The following GLP1R variants were observed in gnomAD, a reference collection of about 807,000 sequenced individuals.
GLP1R encodes glucagon like peptide 1 receptor.
Under a neutral mutation model 68.4 loss-of-function variants are expected in GLP1R, and 32 were observed. That is an observed-to-expected ratio of 0.47 (90% CI 0.35 to 0.63). The LOEUF (loss-of-function observed/expected upper bound fraction) is 0.63. GLP1R is among the 20% of genes least tolerant of loss of function. The pLI, the probability that GLP1R is intolerant of heterozygous loss-of-function variation, is 0.00. For synonymous variants in GLP1R, 263 were observed against 244.4 expected (o/e 1.08, Z -0.71); for missense variants, 502 against 594.9 (o/e 0.84, Z 1.62).
intron 12 of GLP1R, among the ~76,000 whole-genome samples, chr6:39,084,124 C>T (rs560019366): frequency 1.5e-4 from 23 of 152,148 alleles, no homozygotes; most frequent in Admixed American, 1.1e-3. Flanking sequence ...GGTTAGGAGC[C>T]GGGCATTGGA....
At chr6:39,051,069 C>T (rs1208116643) in intron 1 of GLP1R, among the ~76,000 whole-genome samples, 2 of 152,104 alleles carry the variant, frequency 1.3e-5, no homozygotes, top group African/African-American at 2.4e-5. Context: ...ATTCCCCTAC[C>T]CTGGTCCTTA....
chr6:39,080,394 A>G (rs1190721174), intron 11 of GLP1R, among the ~76,000 whole-genome samples: 2 of 152,194 alleles, frequency 1.3e-5, no homozygotes, highest in African/African-American at 4.8e-5. Context: ...TGGATGTAGG[A>G]TCTCTACAGC....
intron 3 of GLP1R, among the ~76,000 whole-genome samples, chr6:39,063,889 C>T (rs558808534): frequency 1.2e-4 from 18 of 150,426 alleles, no homozygotes; most frequent in Middle Eastern, 3.4e-3. Flanking sequence ...GCCACAGTCC[C>T]CATCGTGTAC....
chr6:39,066,757 G>A (rs772525204), intron 5 of GLP1R, among the ~76,000 whole-genome samples: 4 of 152,128 alleles, frequency 2.6e-5, no homozygotes, highest in South Asian at 2.1e-4. Flanking sequence ...TAGATGAGAC[G>A]TTCCTTCCAA....
At position 39,086,354 on chromosome 6, in the gene GLP1R, G is replaced by A. The variant is rs1769148509; in HGVS notation, c.*281G>A. The A allele has an allele frequency of 6.4e-5, 23 of 360,304 alleles. 1 individual carries two copies. In the South Asian group the frequency reaches 1.7e-3, roughly 27 times the overall value. The allele number at this position is 360,304 out of a possible 1,614,324, so 22.3% of individuals were successfully genotyped here. On this transcript the variant is annotated 3_prime_UTR_variant, in exon 13 of 13. Transcript: ENST00000373256. This position sits in a 1 kb window ranked among gnomAD's most constrained non-coding sequence, Gnocchi z 4.5. ...GGAAAAACGATCGCTGTGAAAATGA[G>A]GAGGATTGCTTCTTGTGAAACCACA...
intron 3 of GLP1R, among the ~76,000 whole-genome samples, chr6:39,059,113 C>A (rs1166903361): frequency 6.6e-6 from 1 of 152,238 alleles, no homozygotes; most frequent in African/African-American, 2.4e-5. Context: ...CCCCAAGGAG[C>A]AGGGAGAGCC....
intron 3 of GLP1R, among the ~76,000 whole-genome samples, chr6:39,058,188 G>A (rs1449153124): frequency 6.6e-6 from 1 of 152,222 alleles, no homozygotes; most frequent in Non-Finnish European, 1.5e-5. Context: ...GCTGGGTGGG[G>A]ACAGACTCTT....
chr6:39,049,544 T>C lies in GLP1R; in HGVS notation c.78+626T>C, dbSNP rs1262679615. ...CAGATGGAACCTACCCCCCGTCCCC[T>C]ACCAGCCTCTGTAGCAAACAGGCAG... is the stretch of plus-strand genomic sequence containing the variant. On this transcript the variant is annotated intron_variant, in intron 1 of 12. Transcript: ENST00000373256. This position sits in a 1 kb window ranked among gnomAD's most constrained non-coding sequence, Gnocchi z 4.5. Among the ~76,000 whole-genome samples the C allele has an allele frequency of 5.3e-5, 8 of 151,812 alleles. No homozygotes were observed. Among genetic ancestry groups the C allele is most frequent in the Admixed American group, 2.6e-4 (4 of 15,258 alleles).
intron 12 of GLP1R, 100 bp from the exon 13 acceptor site, chr6:39,085,805 GC>G (rs1769128986): frequency 9.6e-7 from 1 of 1,045,636 alleles, no homozygotes; most frequent in Admixed American, 1.9e-5. Flanking sequence ...TTAATATAAT[GC>G]AGTGGATTTC....
intron 5 of GLP1R, among the ~76,000 whole-genome samples, chr6:39,070,133 G>T (rs1189461093): frequency 2.6e-5 from 4 of 152,222 alleles, no homozygotes; most frequent in Non-Finnish European, 5.9e-5. Context: ...GAGCCCTCAT[G>T]ATCTAATCAT....
intron 12 of GLP1R, among the ~76,000 whole-genome samples, chr6:39,084,068 C>T (rs1769083928): frequency 6.6e-6 from 1 of 152,024 alleles, no homozygotes; most frequent in East Asian, 1.9e-4. Flanking sequence ...AGGAGATGGA[C>T]CAGGGACAAG....
At chr6:39,063,897 TAC>T (rs151053629) in intron 3 of GLP1R, among the ~76,000 whole-genome samples, 152 of 141,466 alleles carry the variant, frequency 1.1e-3, no homozygotes, top group East Asian at 1.9e-3. Flanking sequence ...CCCCATCGTG[TAC>T]ACACACACAC....
In GLP1R at chr6:39,086,078, C is replaced by T. The variant is rs1769137745; in HGVS notation, c.*5C>T. ...TGCCAGGCCTCCTGCAGCTGAGACT[C>T]CAGCGCCTGCCCTCCCTGGGGTCCT... is the stretch of plus-strand genomic sequence containing the variant. On this transcript the variant is annotated 3_prime_UTR_variant, in exon 13 of 13. Transcript: ENST00000373256. This position sits in a 1 kb window ranked among gnomAD's most constrained non-coding sequence, Gnocchi z 4.5. 1.2e-6 allele frequency: 2 copies of T among 1,612,852 alleles called. No homozygotes were observed. Among genetic ancestry groups the T allele is most frequent in the Non-Finnish European group, 8.5e-7 (1 of 1,179,428 alleles).
chr6:39,052,692 A>G (rs73414411), intron 1 of GLP1R, among the ~76,000 whole-genome samples: 53 of 152,170 alleles, frequency 3.5e-4, no homozygotes, highest in African/African-American at 1.2e-3. Context: ...CTTCCTTCCA[A>G]CGCTGCCTGC....
chr6:39,057,403 G>T, intron 2 of GLP1R, 69 bp from the exon 3 acceptor site: 1 of 987,508 alleles, frequency 1.0e-6, no homozygotes, highest in Non-Finnish European at 1.6e-6. Context: ...GAGGGGTCTT[G>T]GGGAAGGGAG....
rs970710986 is a variant in GLP1R at position 39,088,542 on chromosome 6, G to T, written c.*2469G>T. ...TAGGCGCTGCTTTTGTTTGAGCTTT[G>T]TAGCCACAAGGTCTGATGTCTGTTG... On this transcript the variant is annotated 3_prime_UTR_variant, in exon 13 of 13. Coordinates refer to ENST00000373256, the MANE Select transcript of GLP1R (RefSeq NM_002062.5). Among the ~76,000 whole-genome samples the T allele has an allele frequency of 2.0e-5, 3 of 152,132 alleles. No homozygotes were observed. Among genetic ancestry groups the T allele is most frequent in the African/African-American group, 4.8e-5 (2 of 41,430 alleles).
At chr6:39,066,325 G>A in intron 5 of GLP1R, 22 bp downstream of exon 5, 1 of 1,365,372 alleles carries the variant, frequency 7.3e-7, no homozygotes, top group Non-Finnish European at 1.0e-6. Context: ...CGGACCCTGG[G>A]AGGGGGCTGC....
rs1205669444 is a variant in GLP1R at position 39,090,505 on chromosome 6, TGA to T, written c.*4433_*4434del. On this transcript the variant is annotated 3_prime_UTR_variant, in exon 13 of 13. Transcript: ENST00000373256. ...ATAGGTGACCCTGCTGGCCATACTGTGAATGCTGTTCTTTCAGCTGTGACCAA... is the reference window on the plus strand; with the variant it reads ...ATAGGTGACCCTGCTGGCCATACTGTATGCTGTTCTTTCAGCTGTGACCAA... Among the ~76,000 whole-genome samples, 2 of 152,150 alleles carry T rather than the reference TGA, an allele frequency of 1.3e-5. No homozygotes were observed. The highest frequency in any genetic ancestry group is 4.8e-5 in the African/African-American group (2 of 41,432).
At chr6:39,076,459 T>A (rs917447927) in intron 7 of GLP1R, among the ~76,000 whole-genome samples, 2 of 152,172 alleles carry the variant, frequency 1.3e-5, no homozygotes, top group Non-Finnish European at 2.9e-5. Context: ...TGAAGAATGC[T>A]GGTCCGCTGG....
Sources: allele counts gnomAD v4.1 joint callset (sites outside exome capture counted in the v4.1 genomes callset), GRCh38; gene constraint gnomAD v4.1.1; non-coding constraint Gnocchi (gnomAD v3.1); transcripts MANE v1.5; gene names NCBI Gene and HGNC (gene_info 2026-07-23, HGNC 2026-07-21).